EIF2D: variants seen among roughly 807,000 people sequenced by gnomAD.
EIF2D encodes hepatocellular carcinoma-associated antigen 56.
EIF2D carries 56 observed loss-of-function variants against 77.4 expected under a neutral mutation model. That is an observed-to-expected ratio of 0.72 (90% CI 0.58 to 0.90). The LOEUF is 0.90. EIF2D is among the 40% of genes least tolerant of loss of function. The probability of loss-of-function intolerance (pLI) is 0.00; values close to 1 mark genes in which losing one functional copy is unlikely to be tolerated. For missense variants in EIF2D, 574 were observed against 706.5 expected (o/e 0.81, Z 2.13); for synonymous variants, 230 against 271.0 (o/e 0.85, Z 1.49).
At chr1:206,573,037 G>T (rs1287364063) in intron 4 of EIF2D, among the ~76,000 whole-genome samples, 1 of 152,198 alleles carries the variant, frequency 6.6e-6, no homozygotes, top group African/African-American at 2.4e-5. Context: ...GATGATGATG[G>T]TGATGATGAT....
intron 4 of EIF2D, among the ~76,000 whole-genome samples, chr1:206,577,225 T>C (rs942177940): frequency 5.3e-5 from 8 of 152,180 alleles, no homozygotes; most frequent in African/African-American, 1.9e-4. Flanking sequence ...TAACATTTAC[T>C]GTCTGACCCT....
chr1:206,584,762 C>A lies in EIF2D; in HGVS notation c.139-3600G>T. 1 of 1,504,292 alleles carries A rather than the reference C, an allele frequency of 6.6e-7. No individual in the cohort carries two copies. Among genetic ancestry groups the A allele is most frequent in the East Asian group, 2.3e-5 (1 of 42,724 alleles). The allele number at this position is 1,504,292 out of a possible 1,614,324, so 93.2% of individuals were successfully genotyped here. A position where few individuals can be genotyped will look rare whatever the true frequency, so the allele number is the denominator to read the frequency against. ...GCCCACCCACTAAAACTCCTGCCGGCCTTGGGTGGGAGCTGTGGGCTTCTC... is the reference window on the plus strand; with the variant it reads ...GCCCACCCACTAAAACTCCTGCCGGACTTGGGTGGGAGCTGTGGGCTTCTC... On this transcript the variant is annotated intron_variant and NMD_transcript_variant, in intron 2 of 5. Transcript: ENST00000472709. The surrounding 1 kb of genome is among the most constrained non-coding windows in gnomAD (Gnocchi z 4.9).
intron 2 of EIF2D, chr1:206,585,160 C>A: frequency 2.5e-6 from 4 of 1,587,042 alleles, no homozygotes; most frequent in Non-Finnish European, 2.6e-6. Context: ...GAGCTCCCAG[C>A]ACCCTCTCTT....
In EIF2D at chr1:206,592,076, A is replaced by C. The variant is rs1193214653; in HGVS notation, c.1685-231T>G. ...ATTTATAATTTTTTCACGAGAGAGA[A>C]TGTGTCTGTTCAGTCTGTGCTCCTC... On this transcript the variant is annotated intron_variant, in intron 14 of 14. Coordinates refer to ENST00000271764, the MANE Select transcript of EIF2D (RefSeq NM_006893.3). This position sits in a 1 kb window ranked among gnomAD's most constrained non-coding sequence, Gnocchi z 4.7. Among the ~76,000 whole-genome samples, 1 of 152,226 alleles carries C rather than the reference A, an allele frequency of 6.6e-6. No individual in the cohort carries two copies. Among genetic ancestry groups the C allele is most frequent in the Non-Finnish European group, 1.5e-5 (1 of 68,032 alleles).
Position 206,599,674 on chromosome 1 carries a change from T to G in EIF2D, c.1052+59A>C. On this transcript the variant is annotated intron_variant, in intron 9 of 14. Transcript: ENST00000271764. This position sits in a 1 kb window ranked among gnomAD's most constrained non-coding sequence, Gnocchi z 4.1. ...ATACTAGCATCTCAGCAATCCCCAG[T>G]CCGTGGCCCAGGTGCCCTGGGGCCA... 6.2e-7 allele frequency: 1 copy of G among 1,612,512 alleles called. No individual in the cohort carries two copies. The highest frequency in any genetic ancestry group is 1.3e-5 in the African/African-American group (1 of 74,952).
At chr1:206,585,181 G>A (rs1400078040) in intron 2 of EIF2D, 1 of 1,612,944 alleles carries the variant, frequency 6.2e-7, no homozygotes, top group African/African-American at 1.3e-5. Context: ...GGTTTGCAGT[G>A]CTCTTCCAGA....
intron 4 of EIF2D, among the ~76,000 whole-genome samples, chr1:206,574,525 T>C (rs1239180950): frequency 6.6e-6 from 1 of 152,218 alleles, no homozygotes; most frequent in East Asian, 1.9e-4. Context: ...CCGCCACCTC[T>C]TTTTTCCCTC....
At chr1:206,578,260 G>A (rs530337575) in intron 4 of EIF2D, among the ~76,000 whole-genome samples, 1 of 151,056 alleles carries the variant, frequency 6.6e-6, no homozygotes, top group African/African-American at 2.4e-5. Flanking sequence ...GTGTGTGTGT[G>A]TGTAAGTAGA....
chr1:206,587,897 A>G (rs1458927694), downstream of EIF2D: 2 of 152,874 alleles, frequency 1.3e-5, no homozygotes, highest in Non-Finnish European at 2.9e-5. Context: ...TTCCCCAGCT[A>G]AAGAGCAGAG....
chr1:206,596,092 C>T (rs1553409987), intron 12 of EIF2D, among the ~76,000 whole-genome samples: 1 of 152,210 alleles, frequency 6.6e-6, no homozygotes, highest in African/African-American at 2.4e-5. Context: ...AAGATGGGAA[C>T]ATCAGTGACT....
intron 4 of EIF2D, among the ~76,000 whole-genome samples, chr1:206,573,037 GTGA>G (rs1430192323): frequency 2.0e-5 from 3 of 152,198 alleles, no homozygotes; most frequent in Non-Finnish European, 2.9e-5. Context: ...GATGATGATG[GTGA>G]TGATGATAAT....
chr1:206,593,487 G>GA, intron 14 of EIF2D, 132 bp downstream of exon 14: 1 of 457,058 alleles, frequency 2.2e-6, no homozygotes, highest in South Asian at 5.0e-5. Flanking sequence ...GAGAGAGAGA[G>GA]CGAGAGAGAG....
downstream of EIF2D, among the ~76,000 whole-genome samples, chr1:206,570,780 A>AT (rs1668426415): frequency 6.6e-6 from 1 of 152,044 alleles, no homozygotes; most frequent in African/African-American, 2.4e-5. Flanking sequence ...GACACAACAC[A>AT]TTTTTTGTTT....
In EIF2D at chr1:206,605,390, C is replaced by G; in HGVS notation, c.530+10G>C. 1 of 1,611,802 alleles carries G rather than the reference C, an allele frequency of 6.2e-7. No individual in the cohort carries two copies. The highest frequency in any genetic ancestry group is 8.5e-7 in the Non-Finnish European group (1 of 1,178,180). On this transcript the variant is annotated intron_variant, in intron 5 of 14. Transcript: ENST00000271764. ...GGTTCTCTGTAAAACAGAAGAAACT[C>G]TGTACCCACCACAAGTGGTCCTGGT... is the stretch of plus-strand genomic sequence containing the variant.
intron 2 of EIF2D, among the ~76,000 whole-genome samples, chr1:206,610,122 C>T (rs1373645005): frequency 6.6e-6 from 1 of 152,200 alleles, no homozygotes; most frequent in African/African-American, 2.4e-5. Flanking sequence ...GGTTAAAGTA[C>T]ACCATGAAAA....
chr1:206,582,935 G>A (rs1553406661), intron 2 of EIF2D, among the ~76,000 whole-genome samples: 2 of 152,146 alleles, frequency 1.3e-5, no homozygotes, highest in Admixed American at 6.5e-5. Context: ...ATGCGGCTCT[G>A]CTCATTCACC....
At chr1:206,583,498 G>A (rs560803016) in intron 2 of EIF2D, 38 of 692,580 alleles carry the variant, frequency 5.5e-5, no homozygotes, top group Non-Finnish European at 8.4e-5. Context: ...CCTTTCCTCC[G>A]GCCTCCAGAG....
intron 5 of EIF2D, among the ~76,000 whole-genome samples, chr1:206,572,185 C>T (rs71633592): frequency 6.6e-6 from 1 of 151,870 alleles, no homozygotes; most frequent in East Asian, 1.9e-4. Flanking sequence ...AGGGTGCATG[C>T]GTGTTACTGC....
chr1:206,571,933 A>T (rs1312900086), intron 5 of EIF2D, among the ~76,000 whole-genome samples: 1 of 152,138 alleles, frequency 6.6e-6, no homozygotes, highest in Non-Finnish European at 1.5e-5. Flanking sequence ...ATTGAGTGTC[A>T]CCCTCTTCTG....
Sources: gnomAD v4.1 joint callset for allele counts (sites outside exome capture counted in the v4.1 genomes callset) on GRCh38, gnomAD v4.1.1 for gene constraint, Gnocchi (gnomAD v3.1) non-coding constraint, MANE v1.5 for transcripts, NCBI Gene and HGNC (gene_info 2026-07-23, HGNC 2026-07-21) for gene names.